FBXL3: variants seen among roughly 807,000 people sequenced by gnomAD.
The protein encoded by FBXL3 is F-box and leucine rich repeat protein 3.
Under a neutral mutation model 37.9 loss-of-function variants are expected in FBXL3, and 14 were observed. The ratio of observed to expected loss-of-function variants is 0.37; its 90% CI spans 0.24 to 0.58. FBXL3 has a LOEUF of 0.58. Ranked by LOEUF, FBXL3 falls within the 20% of genes least tolerant of loss-of-function variation. The pLI, the probability that FBXL3 is intolerant of heterozygous loss-of-function variation, is 0.74. For missense variants in FBXL3, 327 were observed against 511.1 expected (o/e 0.64, Z 3.47); for synonymous variants, 194 against 180.1 (o/e 1.08, Z -0.62).
At chr13:77,007,835 CTG>C (rs1399887516) in intron 4 of FBXL3, 47 bp from the exon 5 acceptor site, 1 of 1,500,564 alleles carries the variant, frequency 6.7e-7, no homozygotes, top group Non-Finnish European at 8.9e-7. Context: ...AAAAGTTTAT[CTG>C]TTGAAAAATT....
At chr13:77,015,802 A>AT (rs1395593599) in intron 3 of FBXL3, 6 of 290,604 alleles carry the variant, frequency 2.1e-5, no homozygotes, top group Middle Eastern at 2.0e-3. Flanking sequence ...GGAAAAAAGC[A>AT]TTTCAAGCCT....
At chr13:77,010,291 G>C (rs953842830) in intron 4 of FBXL3, 3 of 151,974 alleles carry the variant, frequency 2.0e-5, no homozygotes, top group African/African-American at 7.3e-5. Flanking sequence ...GGAAATGGTA[G>C]CTAACCATTC....
intron 2 of FBXL3, among the ~76,000 whole-genome samples, chr13:77,019,505 G>C (rs1010410228): frequency 5.3e-5 from 8 of 152,176 alleles, no homozygotes; most frequent in African/African-American, 1.9e-4. Flanking sequence ...AAACTAATGT[G>C]CTAATTATAT....
chr13:77,022,633 A>C (rs1482671584), intron 1 of FBXL3, among the ~76,000 whole-genome samples: 1 of 152,200 alleles, frequency 6.6e-6, no homozygotes, highest in African/African-American at 2.4e-5. Flanking sequence ...GCCTAAAATA[A>C]GCAAAACCAC....
At chr13:77,022,571 C>G (rs1236096369) in intron 1 of FBXL3, among the ~76,000 whole-genome samples, 1 of 152,200 alleles carries the variant, frequency 6.6e-6, no homozygotes, top group African/African-American at 2.4e-5. Context: ...CCCCCTGCCA[C>G]GGACAGGCAC....
At chr13:77,024,675 G>A (rs923372994) in intron 1 of FBXL3, among the ~76,000 whole-genome samples, 1 of 152,158 alleles carries the variant, frequency 6.6e-6, no homozygotes, top group Non-Finnish European at 1.5e-5. Flanking sequence ...GGTTAAAGAA[G>A]TTGACAAAAT....
intron 3 of FBXL3, chr13:77,016,859 C>G: frequency 6.6e-6 from 1 of 152,160 alleles, no homozygotes; most frequent in East Asian, 1.9e-4. Flanking sequence ...TCACAATTCC[C>G]TAATTTACTT....
intron 1 of FBXL3, among the ~76,000 whole-genome samples, chr13:77,023,177 C>G (rs1232740358): frequency 1.3e-5 from 2 of 152,148 alleles, no homozygotes; most frequent in African/African-American, 2.4e-5. Context: ...CTCATTCATT[C>G]AAGATGGGGT....
intron 4 of FBXL3, among the ~76,000 whole-genome samples, chr13:77,012,586 A>G (rs535195747): frequency 4.0e-4 from 61 of 152,254 alleles, no homozygotes; most frequent in Non-Finnish European, 7.9e-4. Flanking sequence ...GTCCAGTTAC[A>G]GACAATTATA....
Position 77,007,121 on chromosome 13 carries a change from A to AAGG in FBXL3, c.*21_*23dup. 1.3e-6 allele frequency: 2 copies of AAGG among 1,559,588 alleles called. No homozygotes were observed. Among genetic ancestry groups the AAGG allele is most frequent in the Non-Finnish European group, 1.7e-6 (2 of 1,154,248 alleles). ...AATTATAATACATTTGCTTGAAATTAAGGTGCTATTCATCATGCAGTTTTT... is the reference window on the plus strand; with the variant it reads ...AATTATAATACATTTGCTTGAAATTAAGGAGGTGCTATTCATCATGCAGTTTTT... On this transcript the variant is annotated 3_prime_UTR_variant, in exon 5 of 5. Transcript: ENST00000355619.
intron 4 of FBXL3, chr13:77,014,678 T>A (rs900952667): frequency 6.6e-6 from 1 of 152,180 alleles, no homozygotes; most frequent in African/African-American, 2.4e-5. Context: ...CACTATACCT[T>A]AAAGAACAGG....
intron 2 of FBXL3, among the ~76,000 whole-genome samples, chr13:77,020,449 G>A (rs768580854): frequency 6.6e-6 from 1 of 152,042 alleles, no homozygotes; most frequent in Non-Finnish European, 1.5e-5. Context: ...AGAATAAGCA[G>A]GTAATCTCCA....
At chr13:77,015,336 G>C in intron 4 of FBXL3, 73 bp downstream of exon 4, 3 of 1,104,530 alleles carry the variant, frequency 2.7e-6, no homozygotes, top group Non-Finnish European at 3.7e-6. Context: ...CAAGGTTAAT[G>C]ATCATAGTTT....
At chr13:77,011,838 T>C (rs959216776) in intron 4 of FBXL3, among the ~76,000 whole-genome samples, 8 of 152,146 alleles carry the variant, frequency 5.3e-5, no homozygotes, top group Non-Finnish European at 1.0e-4. Flanking sequence ...AAATAAGTGT[T>C]AGAAGACACT....
At chr13:77,015,161 T>C in intron 4 of FBXL3, 1 of 274,518 alleles carries the variant, frequency 3.6e-6, no homozygotes, top group Non-Finnish European at 6.7e-6. Context: ...TCCTCTTTTT[T>C]TTCCTGTTCA....
At chr13:77,009,212 A>G (rs968073354) in intron 4 of FBXL3, 1 of 152,260 alleles carries the variant, frequency 6.6e-6, no homozygotes, top group Non-Finnish European at 1.5e-5. Flanking sequence ...GGGAAAAGAT[A>G]GGCATTAGAA....
In FBXL3 at chr13:77,005,709, C is replaced by G. The variant is rs990473254; in HGVS notation, c.*1436G>C. On this transcript the variant is annotated 3_prime_UTR_variant, in exon 5 of 5. Coordinates refer to ENST00000355619, the MANE Select transcript of FBXL3 (RefSeq NM_012158.4). ...AAGGCCATCCGTTTTAAAAGTAGAT[C>G]TAAGACTGTTAGCTTCCTCAACCAC... 4.3e-4 allele frequency: 66 copies of G among 152,190 alleles called. 2 individuals are homozygous for G. Among genetic ancestry groups the G allele is most frequent in the Admixed American group, 4.3e-3 (66 of 15,290 alleles). 9.4% of individuals were successfully genotyped at this position (152,190 alleles called of 1,614,324 possible). A position where few individuals can be genotyped will look rare whatever the true frequency, so the allele number is the denominator to read the frequency against.
intron 1 of FBXL3, chr13:77,026,318 C>T (rs1271374033): frequency 1.0e-6 from 1 of 985,304 alleles, no homozygotes; most frequent in African/African-American, 1.7e-5. Context: ...GCGGCAGGGG[C>T]GTCCCCTCCT....
intron 4 of FBXL3, chr13:77,009,070 G>A (rs1347591971): frequency 6.6e-6 from 1 of 152,186 alleles, no homozygotes; most frequent in Non-Finnish European, 1.5e-5. Flanking sequence ...ACTTTGAAGT[G>A]GAGACAGCTA....
Sources: allele counts gnomAD v4.1 joint callset (sites outside exome capture counted in the v4.1 genomes callset), GRCh38; gene constraint gnomAD v4.1.1; transcripts MANE v1.5; gene names NCBI Gene and HGNC (gene_info 2026-07-23, HGNC 2026-07-21).